KCNH8: variants seen among roughly 807,000 people sequenced by gnomAD.
KCNH8 encodes the protein potassium voltage-gated channel subfamily H member 8, also known as voltage-gated delayed rectifier potassium channel KCNH8.
Under a neutral mutation model 103.6 loss-of-function variants are expected in KCNH8, and 70 were observed. That is an observed-to-expected ratio of 0.68 (90% CI 0.56 to 0.82). The LOEUF (loss-of-function observed/expected upper bound fraction) is 0.82, where lower values mean the gene tolerates loss of function less well. Among genes scored for constraint, KCNH8 ranks in the 40% least tolerant of loss-of-function variants. The pLI is 0.00. For synonymous variants in KCNH8, 498 were observed against 489.4 expected, an observed-to-expected ratio of 1.02 and a Z score of -0.23; for missense variants, 1,217 against 1,329.9, an observed-to-expected ratio of 0.92 and a Z score of 1.32.
intron 3 of KCNH8, among the ~76,000 whole-genome samples, chr3:19,286,682 A>G (rs76057964): frequency 0.017 from 2,582 of 152,290 alleles, 77 homozygotes; most frequent in African/African-American, 0.058. Flanking sequence ...AAAAATCTCT[A>G]GATTACTTAT....
rs377578191 is a variant in KCNH8, at chr3:19,513,055, A to G, written c.2165A>G (p.Glu722Gly). Residue 722 changes from glutamate (E) to glycine (G), a missense_variant, in exon 13 of 16, where the codon GAG becomes GGG. Transcript: ENST00000328405. ...DEEEEEEGEE[E>G]EAVSLSPICT... ...GAAGAGGAGGAGGAGGGGGAGGAAG[A>G]GGAGGCAGTCTCCCTCTCTCCCATC... The G allele has an allele frequency of 7.4e-6, 12 of 1,613,696 alleles. No homozygotes were observed. The highest frequency in any genetic ancestry group is 1.6e-4 in the Middle Eastern group (1 of 6,062).
intron 10 of KCNH8, among the ~76,000 whole-genome samples, chr3:19,455,205 T>C (rs1346768273): frequency 6.6e-6 from 1 of 152,166 alleles, no homozygotes; most frequent in African/African-American, 2.4e-5. Context: ...GTTATGGGGC[T>C]AGAATGTGTT....
intron 11 of KCNH8, among the ~76,000 whole-genome samples, chr3:19,458,734 G>C (rs1343318086): frequency 6.6e-6 from 1 of 151,836 alleles, no homozygotes; most frequent in Non-Finnish European, 1.5e-5. Context: ...TTTAAGCAAC[G>C]TCTTTCTAAT....
At chr3:19,341,333 T>G (rs2125316154) in intron 3 of KCNH8, among the ~76,000 whole-genome samples, 1 of 152,230 alleles carries the variant, frequency 6.6e-6, no homozygotes, top group East Asian at 1.9e-4. Flanking sequence ...ATCAGGAGAC[T>G]ATCTTTCACT....
At chr3:19,252,616 C>T (rs2064293698) in intron 1 of KCNH8, among the ~76,000 whole-genome samples, 1 of 152,048 alleles carries the variant, frequency 6.6e-6, no homozygotes, top group Non-Finnish European at 1.5e-5. Flanking sequence ...TTTTGAACTC[C>T]TGACCTCGTG....
intron 2 of KCNH8, among the ~76,000 whole-genome samples, chr3:19,265,201 C>G (rs563566043): frequency 5.2e-4 from 79 of 152,192 alleles, no homozygotes; most frequent in Middle Eastern, 3.4e-3. Context: ...CCAGCTTGAT[C>G]TTTCCTAAAA....
intron 1 of KCNH8, among the ~76,000 whole-genome samples, chr3:19,235,954 C>T (rs1211768456): frequency 6.6e-6 from 1 of 152,100 alleles, no homozygotes; most frequent in African/African-American, 2.4e-5. Context: ...CAACATAGGG[C>T]CTTGTAGTTA....
At chr3:19,244,814 G>GTT (rs138314313) in intron 1 of KCNH8, among the ~76,000 whole-genome samples, 1 of 150,902 alleles carries the variant, frequency 6.6e-6, no homozygotes, top group Admixed American at 6.6e-5. Flanking sequence ...TTGTAATAGG[G>GTT]TTTTTTTTTG....
chr3:19,513,602 C>G (rs1209322118), intron 13 of KCNH8, among the ~76,000 whole-genome samples: 1 of 152,108 alleles, frequency 6.6e-6, no homozygotes, highest in Non-Finnish European at 1.5e-5. Flanking sequence ...AATGTATATT[C>G]CTACCTTGTG....
intron 11 of KCNH8, among the ~76,000 whole-genome samples, chr3:19,509,557 T>C (rs927157320): frequency 2.6e-5 from 4 of 152,228 alleles, no homozygotes; most frequent in Non-Finnish European, 4.4e-5. Flanking sequence ...TATTCCTCTA[T>C]AGTGCCATAG....
In KCNH8 at chr3:19,530,808, C is replaced by A. The variant is rs76704378; in HGVS notation, c.2620-2587C>A. ...TTTTCTACATGATAATATTCTATAG[C>A]AGAATGAATACCAAACTTAGAAGTC... On this transcript the variant is annotated intron_variant, in intron 15 of 15. Coordinates refer to ENST00000328405, the MANE Select transcript of KCNH8 (RefSeq NM_144633.3). 1.7e-3 allele frequency among the ~76,000 whole-genome samples: 265 copies of A among 152,268 alleles called. 2 individuals are homozygous for A. Among genetic ancestry groups the A allele is most frequent in the African/African-American group, 6.1e-3 (252 of 41,536 alleles).
intron 3 of KCNH8, among the ~76,000 whole-genome samples, chr3:19,329,000 G>C (rs1197228167): frequency 1.3e-5 from 2 of 152,090 alleles, no homozygotes; most frequent in African/African-American, 2.4e-5. Context: ...TTTATAGCTA[G>C]TACCATTTGT....
chr3:19,330,131 G>T (rs754838363), intron 3 of KCNH8, among the ~76,000 whole-genome samples: 27 of 152,194 alleles, frequency 1.8e-4, no homozygotes, highest in Admixed American at 5.9e-4. Flanking sequence ...CACGCATAAT[G>T]TGTGTAATAT....
intron 1 of KCNH8, among the ~76,000 whole-genome samples, chr3:19,250,698 G>A (rs1050750560): frequency 2.0e-5 from 3 of 152,138 alleles, no homozygotes; most frequent in African/African-American, 4.8e-5. Flanking sequence ...TCAAAGCCCA[G>A]ATGTTTGATC....
chr3:19,420,355 G>A (rs1427784864), intron 7 of KCNH8, among the ~76,000 whole-genome samples: 2 of 152,122 alleles, frequency 1.3e-5, no homozygotes, highest in African/African-American at 2.4e-5. Context: ...CCAAAAACCT[G>A]CTGCTGATGG....
rs188187263 is a variant in KCNH8, at chr3:19,301,114, C to A, written c.442+19785C>A. 3.5e-4 allele frequency among the ~76,000 whole-genome samples: 53 copies of A among 151,540 alleles called. 1 individual carries two copies. The highest frequency in any genetic ancestry group is 1.3e-3 in the African/African-American group (52 of 41,458). On this transcript the variant is annotated intron_variant, in intron 3 of 15. Coordinates refer to ENST00000328405, the MANE Select transcript of KCNH8 (RefSeq NM_144633.3). ...CAGGGTTCAGTAACATTCCCAAGGT[C>A]ACAAAGCTAAAAAGTGGCAAAGCTA... is the stretch of plus-strand genomic sequence containing the variant.
At chr3:19,246,248 C>T (rs750815629) in intron 1 of KCNH8, among the ~76,000 whole-genome samples, 4 of 139,772 alleles carry the variant, frequency 2.9e-5, no homozygotes, top group Non-Finnish European at 4.7e-5. Context: ...GATTAAATAA[C>T]TTTAAGAAGT....
At chr3:19,213,270 T>C (rs548410256) in intron 1 of KCNH8, among the ~76,000 whole-genome samples, 61 of 152,228 alleles carry the variant, frequency 4.0e-4, no homozygotes, top group African/African-American at 1.4e-3. Context: ...TTAATAGGAG[T>C]GTTCTAGGAC....
intron 5 of KCNH8, among the ~76,000 whole-genome samples, chr3:19,349,073 A>G (rs1435687697): frequency 6.6e-6 from 1 of 151,958 alleles, no homozygotes; most frequent in Non-Finnish European, 1.5e-5. Context: ...CAGAGCCTTG[A>G]TAGGACCTCT....
Sources: allele counts gnomAD v4.1 joint callset (sites outside exome capture counted in the v4.1 genomes callset), GRCh38; gene constraint gnomAD v4.1.1; transcripts MANE v1.5; gene names NCBI Gene and HGNC (gene_info 2026-07-23, HGNC 2026-07-21).